The following FBXL2 variants were observed in gnomAD, a reference collection of about 807,000 sequenced individuals.
FBXL2 encodes the protein F-box/LRR-repeat protein 2.
Under a neutral mutation model 69.2 loss-of-function variants are expected in FBXL2, and 38 were observed. That is an observed-to-expected ratio of 0.55 (90% confidence interval 0.42 to 0.72). FBXL2 has a LOEUF of 0.72. Among genes scored for constraint, FBXL2 ranks in the 30% least tolerant of loss-of-function variants. The pLI is 0.00. For missense variants in FBXL2, 354 were observed against 520.3 expected (o/e 0.68, Z 3.11); for synonymous variants, 192 against 201.3 (o/e 0.95, Z 0.39).
chr3:33,421,276 A>G, the FBXL2 span, among the ~76,000 whole-genome samples: 5 of 145,208 alleles, frequency 3.4e-5, no homozygotes, highest in East Asian at 8.9e-4. Flanking sequence ...GGGAAACACA[A>G]ACACAGGTTG....
chr3:33,394,115 C>G (rs2043873163), intron 12 of FBXL2, among the ~76,000 whole-genome samples: 1 of 151,766 alleles, frequency 6.6e-6, no homozygotes, highest in Non-Finnish European at 1.5e-5. Context: ...CTCCCAGGCT[C>G]AAGCAATCCT....
chr3:33,310,991 G>A (rs1294130150), intron 2 of FBXL2, among the ~76,000 whole-genome samples: 3 of 152,018 alleles, frequency 2.0e-5, no homozygotes, highest in Non-Finnish European at 4.4e-5. Context: ...TGGCTAGGCT[G>A]GTCATGAACT....
At chr3:33,400,262 C>A (rs147751266) in intron 12 of FBXL2, 34 of 1,600,816 alleles carry the variant, frequency 2.1e-5, no homozygotes, top group Non-Finnish European at 2.5e-5. Context: ...TTTCCTGGAT[C>A]GTAGCTGAAG....
At chr3:33,407,397 G>A (rs1476121749), downstream of FBXL2, among the ~76,000 whole-genome samples, 1 of 152,152 alleles carries the variant, frequency 6.6e-6, no homozygotes, top group Non-Finnish European at 1.5e-5. Context: ...GGAAAAGTGA[G>A]TTGCCAGAAT....
In FBXL2 at chr3:33,402,060, G is replaced by A. The variant is rs190589884; in HGVS notation, n.1215-1174G>A. Among the ~76,000 whole-genome samples the A allele has an allele frequency of 3.2e-3, 484 of 152,268 alleles. 2 individuals are homozygous for A. The highest frequency in any genetic ancestry group is 6.1e-3 in the Non-Finnish European group (418 of 68,028). On this transcript the variant is annotated intron_variant and non_coding_transcript_variant, in intron 12 of 12. Transcript: ENST00000463736. ...CTCATCAGACCTTGTCAGCATGACC[G>A]GAGAACCTTTTTCTTTGTGATCTTA...
intron 2 of FBXL2, among the ~76,000 whole-genome samples, chr3:33,353,298 A>G (rs1473146701): frequency 6.6e-6 from 1 of 152,222 alleles, no homozygotes; most frequent in African/African-American, 2.4e-5. Context: ...AAATGAGTAG[A>G]AAATTTATAT....
chr3:33,393,918 G>A (rs1310087076), intron 12 of FBXL2, among the ~76,000 whole-genome samples: 1 of 151,854 alleles, frequency 6.6e-6, no homozygotes, highest in African/African-American at 2.4e-5. Context: ...AGGACTTTAT[G>A]GTATGTAAAT....
chr3:33,408,053 C>G (rs2154057035), downstream of FBXL2, among the ~76,000 whole-genome samples: 1 of 152,276 alleles, frequency 6.6e-6, no homozygotes, highest in African/African-American at 2.4e-5. Flanking sequence ...GCAAGGTACA[C>G]TACTTTGGCC....
intron 2 of FBXL2, among the ~76,000 whole-genome samples, chr3:33,315,957 G>GT (rs2037650236): frequency 6.6e-6 from 1 of 151,490 alleles, no homozygotes; most frequent in African/African-American, 2.4e-5. Flanking sequence ...TTGTTTAAGT[G>GT]TTTAAGAAAG....
chr3:33,416,990 G>GA, the FBXL2 span, among the ~76,000 whole-genome samples: 1 of 152,130 alleles, frequency 6.6e-6, no homozygotes. Context: ...TCTCTTCCCT[G>GA]AAAATCACAC....
chr3:33,282,989 G>A (rs2125673181), intron 1 of FBXL2, among the ~76,000 whole-genome samples: 1 of 152,290 alleles, frequency 6.6e-6, no homozygotes, highest in South Asian at 2.1e-4. Flanking sequence ...CATGTCATCT[G>A]CAAACAGGGA....
Position 33,373,160 on chromosome 3 carries a change from G to C in FBXL2, c.359G>C (p.Ser120Thr). The C allele has an allele frequency of 6.2e-7, 1 of 1,613,894 alleles. No homozygotes were observed. Among genetic ancestry groups the C allele is most frequent in the Non-Finnish European group, 8.5e-7 (1 of 1,179,728 alleles). Residue 120 changes from serine to threonine, a missense_variant and splice_region_variant, in exon 6 of 15, where the codon AGC (serine) becomes ACC (threonine). Ser to Thr is a moderately conservative substitution (Grantham distance 58). Coordinates refer to ENST00000484457, the MANE Select transcript of FBXL2 (RefSeq NM_012157.5). ...NLNGCTKITD[S>T]TCYSLSRFCS... ...AATGGATGCACAAAAATCACTGACA[G>C]GTAAGTAATGAAGATTAATTGGTGA...
At chr3:33,280,196 T>C (rs1371059281) in intron 1 of FBXL2, among the ~76,000 whole-genome samples, 2 of 152,182 alleles carry the variant, frequency 1.3e-5, no homozygotes, top group Non-Finnish European at 2.9e-5. Context: ...AGACATGAAT[T>C]AGATCAGCAT....
At chr3:33,301,564 T>A (rs1287956288) in intron 2 of FBXL2, among the ~76,000 whole-genome samples, 1 of 152,202 alleles carries the variant, frequency 6.6e-6, no homozygotes, top group African/African-American at 2.4e-5. Context: ...TTTACGAATA[T>A]ATATTATTTA....
chr3:33,327,913 C>A (rs2038830147), intron 2 of FBXL2, among the ~76,000 whole-genome samples: 1 of 148,454 alleles, frequency 6.7e-6, no homozygotes, highest in African/African-American at 2.5e-5. Flanking sequence ...TAGTCTTGTT[C>A]ACAAACAACA....
chr3:33,390,420 C>A (rs1204601789), downstream of FBXL2: 1 of 1,606,608 alleles, frequency 6.2e-7, no homozygotes, highest in Non-Finnish European at 8.5e-7. Flanking sequence ...GGAAATTAAG[C>A]CTATTAAATG....
intron 11 of FBXL2, 48 bp downstream of exon 11, chr3:33,377,381 G>A (rs774832927): frequency 1.3e-5 from 21 of 1,576,916 alleles, no homozygotes; most frequent in Middle Eastern, 1.7e-4. Context: ...TTCACCTCCC[G>A]AATTCAAAGT....
chr3:33,336,333 T>TG (rs1323753285), intron 2 of FBXL2, among the ~76,000 whole-genome samples: 4 of 152,008 alleles, frequency 2.6e-5, no homozygotes, highest in African/African-American at 7.3e-5. Context: ...TACATTTCTA[T>TG]GGGGAAAGGA....
At chr3:33,340,731 A>G (rs1490061777) in intron 2 of FBXL2, among the ~76,000 whole-genome samples, 4 of 151,766 alleles carry the variant, frequency 2.6e-5, no homozygotes, top group African/African-American at 9.7e-5. Flanking sequence ...GTCTCTACTA[A>G]AAATACAAAA....
Sources: gnomAD v4.1 joint callset for allele counts (sites outside exome capture counted in the v4.1 genomes callset) on GRCh38, gnomAD v4.1.1 for gene constraint, MANE v1.5 for transcripts, NCBI Gene and HGNC (gene_info 2026-07-23, HGNC 2026-07-21) for gene names.